Variants in MTCL2 observed in about 807,000 individuals in gnomAD.
MTCL2 encodes the protein microtubule crosslinking factor 2.
chr20:36,788,920 C>T, the MTCL2 span, among the ~76,000 whole-genome samples: 1 of 151,690 alleles, frequency 6.6e-6, no homozygotes, highest in Admixed American at 6.6e-5. Flanking sequence ...GATTCTCCTG[C>T]CTCAGCCTCC....
At chr20:36,828,865 C>T in the MTCL2 span, 1 of 618,772 alleles carries the variant, frequency 1.6e-6, no homozygotes, top group Non-Finnish European at 2.7e-6. Flanking sequence ...CCTTAGTGTC[C>T]AGCACACAAT....
At chr20:36,835,687 GC>G in the MTCL2 span, among the ~76,000 whole-genome samples, 2 of 152,166 alleles carry the variant, frequency 1.3e-5, no homozygotes, top group South Asian at 4.1e-4. Flanking sequence ...TCCAGCTCAG[GC>G]CCCAGGCCCG....
the MTCL2 span, chr20:36,817,338 C>A: frequency 7.2e-7 from 1 of 1,398,106 alleles, no homozygotes; most frequent in Admixed American, 2.5e-5. Flanking sequence ...ATCTGGGATC[C>A]CCAGGCCACT....
chr20:36,831,708 C>T, the MTCL2 span, among the ~76,000 whole-genome samples: 18 of 152,362 alleles, frequency 1.2e-4, 2 homozygotes, highest in South Asian at 3.5e-3. Flanking sequence ...CTCCCACAGC[C>T]TCTCTGGGTA....
chr20:36,811,919 T>C, the MTCL2 span, among the ~76,000 whole-genome samples: 2 of 152,176 alleles, frequency 1.3e-5, no homozygotes, highest in African/African-American at 4.8e-5. Flanking sequence ...CGTAGGAGCC[T>C]TTTCCTGCTT....
At chr20:36,810,297 A>C in the MTCL2 span, among the ~76,000 whole-genome samples, 1 of 152,250 alleles carries the variant, frequency 6.6e-6, no homozygotes, top group Non-Finnish European at 1.5e-5. Context: ...GAAACAGTAC[A>C]TATCAAATCT....
At chr20:36,845,654 G>C in the MTCL2 span, among the ~76,000 whole-genome samples, 1 of 152,240 alleles carries the variant, frequency 6.6e-6, no homozygotes, top group Non-Finnish European at 1.5e-5. Context: ...TTCCGGGCCC[G>C]AGGTGGGGCT....
the MTCL2 span, among the ~76,000 whole-genome samples, chr20:36,821,871 T>C: frequency 1.3e-5 from 2 of 152,230 alleles, no homozygotes; most frequent in East Asian, 1.9e-4. Context: ...AAGCACATAC[T>C]ACTACCTGCT....
chr20:36,811,204 T>C, the MTCL2 span, among the ~76,000 whole-genome samples: 2 of 152,240 alleles, frequency 1.3e-5, no homozygotes. Context: ...CTGCTGTCCC[T>C]GGTTTCCTCC....
the MTCL2 span, chr20:36,863,284 G>A: frequency 8.4e-7 from 1 of 1,189,178 alleles, no homozygotes; most frequent in Non-Finnish European, 1.0e-6. The surrounding 1 kb of genome is among the most constrained non-coding windows in gnomAD (Gnocchi z 6.2). Flanking sequence ...GCAGGCGCGG[G>A]TGCAGGCGCG....
the MTCL2 span, among the ~76,000 whole-genome samples, chr20:36,786,835 T>A: frequency 1.3e-5 from 2 of 152,142 alleles, no homozygotes; most frequent in African/African-American, 4.8e-5. Flanking sequence ...TTCATTGTAA[T>A]ATATTCTAGG....
At chr20:36,786,056 A>G in the MTCL2 span, 1 of 986,454 alleles carries the variant, frequency 1.0e-6, no homozygotes, top group African/African-American at 1.7e-5. Context: ...TCTCCTCCCA[A>G]ATGAAGGGGT....
the MTCL2 span, chr20:36,794,304 G>A: frequency 9.6e-6 from 15 of 1,558,890 alleles, no homozygotes; most frequent in African/African-American, 2.7e-5. The surrounding 1 kb of genome is among the most constrained non-coding windows in gnomAD (Gnocchi z 5.4). Context: ...CCGAGGCGCC[G>A]GGCCACCGGG....
chr20:36,794,118 A>T, the MTCL2 span: 2 of 1,551,424 alleles, frequency 1.3e-6, no homozygotes, highest in South Asian at 1.2e-5. This position sits in a 1 kb window ranked among gnomAD's most constrained non-coding sequence, Gnocchi z 5.4. Context: ...CCGGCCGCCG[A>T]GGGGCTGCCC....
the MTCL2 span, chr20:36,863,395 G>C: frequency 2.6e-6 from 3 of 1,134,568 alleles, no homozygotes; most frequent in South Asian, 8.7e-5. This position sits in a 1 kb window ranked among gnomAD's most constrained non-coding sequence, Gnocchi z 6.2. Context: ...AGGCCCGCCC[G>C]GCCTCGACGT....
the MTCL2 span, among the ~76,000 whole-genome samples, chr20:36,812,410 T>C: frequency 2.1e-3 from 325 of 152,332 alleles, 3 homozygotes; most frequent in African/African-American, 7.6e-3. Flanking sequence ...TCCTGCTACA[T>C]ACATGAGTAG....
At chr20:36,853,007 A>G in the MTCL2 span, among the ~76,000 whole-genome samples, 1 of 151,746 alleles carries the variant, frequency 6.6e-6, no homozygotes, top group African/African-American at 2.4e-5. Flanking sequence ...CAGTGAGCCA[A>G]GATCACGCCA....
chr20:36,794,382 G>C, the MTCL2 span: 1 of 1,612,790 alleles, frequency 6.2e-7, no homozygotes, highest in Non-Finnish European at 8.5e-7. The surrounding 1 kb of genome is among the most constrained non-coding windows in gnomAD (Gnocchi z 5.4). Context: ...TGCCTCCCTG[G>C]GGGGTCCTGG....
chr20:36,825,211 G>A, the MTCL2 span, among the ~76,000 whole-genome samples: 32 of 152,310 alleles, frequency 2.1e-4, no homozygotes, highest in African/African-American at 7.5e-4. Context: ...CCAAAGTGCT[G>A]GGATTACAGG....
Sources: gnomAD v4.1 joint callset for allele counts (sites outside exome capture counted in the v4.1 genomes callset) on GRCh38, gnomAD v4.1.1 for gene constraint, Gnocchi (gnomAD v3.1) non-coding constraint, MANE v1.5 for transcripts, NCBI Gene and HGNC (gene_info 2026-07-23, HGNC 2026-07-21) for gene names.